LGR4: variants seen among roughly 807,000 people sequenced by gnomAD.
The protein encoded by LGR4 is leucine rich repeat containing G protein-coupled receptor 4, also known as leucine-rich repeat-containing G protein-coupled receptor 4.
A neutral mutation model predicts 84.8 loss-of-function variants in LGR4; 44 were observed. The ratio of observed to expected loss-of-function variants is 0.52; its 90% CI spans 0.41 to 0.67. The LOEUF (loss-of-function observed/expected upper bound fraction) is 0.67, where lower values mean the gene tolerates loss of function less well. LGR4 is among the 30% of genes least tolerant of loss of function. The pLI is 0.00. For synonymous variants in LGR4, 429 were observed against 434.3 expected (o/e 0.99, Z 0.15); for missense variants, 1,032 against 1,131.4 (o/e 0.91, Z 1.26).
At chr11:27,403,413 A>G (rs1376451754) in intron 2 of LGR4, among the ~76,000 whole-genome samples, 1 of 152,200 alleles carries the variant, frequency 6.6e-6, no homozygotes, top group Non-Finnish European at 1.5e-5. Flanking sequence ...ACTGCATTCT[A>G]GCCTGGACAA....
At position 27,412,834 on chromosome 11, in the gene LGR4, T is replaced by A. The variant is rs750137171; in HGVS notation, c.212A>T (p.Gln71Leu). 2 of 1,602,872 alleles carry A rather than the reference T, an allele frequency of 1.2e-6. No individual in the cohort carries two copies. The highest frequency in any genetic ancestry group is 2.2e-5 in the South Asian group (2 of 90,848). ...ALDISMNNIT[Q>L]LPEDAFKNFP... ...GTTCTTAAATGCATCTTCTGGCAAC[T>A]GAGTAATGTTGTTCATACTGATATC... Residue 71 changes from glutamine to leucine, a missense_variant, in exon 2 of 18, where the codon CAG (glutamine) becomes CTG (leucine). Physicochemically the swap from Gln to Leu is moderately radical, Grantham distance 113. Transcript: ENST00000379214.
intron 10 of LGR4, 148 bp downstream of exon 10, chr11:27,380,123 A>G: frequency 1.9e-6 from 1 of 515,782 alleles, no homozygotes; most frequent in East Asian, 3.0e-5. Flanking sequence ...CCCCATACCC[A>G]ATATATTCTT....
At chr11:27,376,768 T>C (rs115770420) in intron 12 of LGR4, among the ~76,000 whole-genome samples, 1,808 of 152,260 alleles carry the variant, frequency 0.012, 43 homozygotes, top group African/African-American at 0.041. Flanking sequence ...CAGGACTACA[T>C]AGAGTTAAAA....
chr11:27,407,947 G>A (rs1471333058), intron 2 of LGR4, among the ~76,000 whole-genome samples: 1 of 152,092 alleles, frequency 6.6e-6, no homozygotes, highest in Non-Finnish European at 1.5e-5. Context: ...TTGGGAAATT[G>A]GAGTGAAGGG....
intron 2 of LGR4, among the ~76,000 whole-genome samples, chr11:27,409,200 TCA>T (rs1477969383): frequency 7.9e-5 from 12 of 152,010 alleles, no homozygotes; most frequent in African/African-American, 2.7e-4. Flanking sequence ...TACATATCAC[TCA>T]CAGTGTTCCA....
chr11:27,434,573 T>C (rs958650613), intron 1 of LGR4, among the ~76,000 whole-genome samples: 3 of 152,174 alleles, frequency 2.0e-5, no homozygotes, highest in Non-Finnish European at 2.9e-5. Context: ...GTTAATGTCT[T>C]GAGCTGTTCA....
intron 2 of LGR4, among the ~76,000 whole-genome samples, chr11:27,408,227 C>T (rs1037832459): frequency 3.3e-5 from 5 of 152,006 alleles, no homozygotes; most frequent in South Asian, 2.1e-4. Flanking sequence ...TTACTAGCCC[C>T]GTTTGGTAAA....
intron 10 of LGR4, among the ~76,000 whole-genome samples, chr11:27,380,064 T>C (rs1371321334): frequency 1.3e-5 from 2 of 152,304 alleles, no homozygotes; most frequent in Non-Finnish European, 2.9e-5. Flanking sequence ...TCTGTGAACC[T>C]TTCAGATCTT....
At chr11:27,413,293 T>C (rs981314924) in intron 1 of LGR4, among the ~76,000 whole-genome samples, 4 of 152,234 alleles carry the variant, frequency 2.6e-5, no homozygotes, top group Admixed American at 2.6e-4. Context: ...GTCCTAGCTC[T>C]ACCCTAGTCA....
At position 27,371,617 on chromosome 11, in the gene LGR4, G is replaced by A; in HGVS notation, c.1577C>T (p.Thr526Ile). The A allele has an allele frequency of 6.2e-7, 1 of 1,607,780 alleles. No individual in the cohort carries two copies. The highest frequency in any genetic ancestry group is 8.5e-7 in the Non-Finnish European group (1 of 1,175,382). ...SQIIIHCTPSTGAFKPCEYLL... is the reference protein window; with the variant it reads ...SQIIIHCTPSIGAFKPCEYLL... ...GTGAAAAAATAGGCCAGGCATACCT[G>A]TTGAAGGTGTACAATGGATAATTAT... Residue 526 changes from threonine to isoleucine, a missense_variant and splice_region_variant, in exon 17 of 18, where the codon ACA becomes ATA. Physicochemically the swap from Thr to Ile is moderately conservative, Grantham distance 89. Coordinates refer to ENST00000379214, the MANE Select transcript of LGR4 (RefSeq NM_018490.5).
At chr11:27,382,163 A>G in intron 7 of LGR4, 25 bp downstream of exon 7, 1 of 1,479,594 alleles carries the variant, frequency 6.8e-7, no homozygotes, top group Non-Finnish European at 9.4e-7. Context: ...ATATGAAGAC[A>G]TAAAGAGAAT....
chr11:27,454,047 C>T (rs2133447487), intron 1 of LGR4, among the ~76,000 whole-genome samples: 1 of 152,348 alleles, frequency 6.6e-6, no homozygotes, highest in African/African-American at 2.4e-5. Context: ...GAGGCTTCAT[C>T]TGCATGATAA....
At chr11:27,427,934 A>G (rs1302967539) in intron 1 of LGR4, among the ~76,000 whole-genome samples, 1 of 152,154 alleles carries the variant, frequency 6.6e-6, no homozygotes, top group Non-Finnish European at 1.5e-5. Flanking sequence ...CTCTTTCCCT[A>G]TCAGCTAAAG....
intron 1 of LGR4, among the ~76,000 whole-genome samples, chr11:27,465,395 C>T (rs72889565): frequency 0.06 from 9,082 of 152,208 alleles, 354 homozygotes; most frequent in Non-Finnish European, 0.091. Flanking sequence ...AATTAAAATA[C>T]GTAATGGTAT....
intron 1 of LGR4, among the ~76,000 whole-genome samples, chr11:27,459,763 C>T (rs1193335729): frequency 1.3e-5 from 2 of 151,936 alleles, no homozygotes; most frequent in Admixed American, 6.6e-5. Context: ...GCATGAGCCA[C>T]AGCACCTGGC....
At chr11:27,373,321 TA>T (rs1862919145) in intron 15 of LGR4, 2 of 361,548 alleles carry the variant, frequency 5.5e-6, no homozygotes, top group Non-Finnish European at 9.9e-6. Context: ...TTCTGGTGAA[TA>T]GCTGTATTAT....
chr11:27,380,712 CTG>C lies in LGR4; in HGVS notation c.831-3_831-2del, dbSNP rs1299604422. The C allele has an allele frequency of 6.3e-7, 1 of 1,594,096 alleles. No individual in the cohort carries two copies. Among genetic ancestry groups the C allele is most frequent in the Non-Finnish European group, 8.6e-7 (1 of 1,164,752 alleles). On this transcript the variant is annotated splice_acceptor_variant and splice_polypyrimidine_tract_variant and intron_variant, in intron 8 of 17. Coordinates refer to ENST00000379214, the MANE Select transcript of LGR4 (RefSeq NM_018490.5). LOFTEE classifies it high-confidence loss of function. ...AGACAGAGGATTATCATACAAATGTCTGTGAAAATATCCAAAAAAAGTAAAAT... is the reference window on the plus strand; with the variant it reads ...AGACAGAGGATTATCATACAAATGTCTGAAAATATCCAAAAAAAGTAAAAT...
Position 27,368,708 on chromosome 11 carries a change from C to A in LGR4, c.2015G>T (p.Gly672Val). 6.2e-7 allele frequency: 1 copy of A among 1,613,526 alleles called. No individual in the cohort carries two copies. Among genetic ancestry groups the A allele is most frequent in the Non-Finnish European group, 8.5e-7 (1 of 1,179,776 alleles). Reference protein sequence around the residue: ...FRVAALLAFLGATVAGCFPLF... With the variant: ...FRVAALLAFLVATVAGCFPLF... ...GGGAAAACAGCCTGCTACTGTAGCACCTAGGAAAGCCAAAAGGGCAGCAAC... is the reference window on the plus strand; with the variant it reads ...GGGAAAACAGCCTGCTACTGTAGCAACTAGGAAAGCCAAAAGGGCAGCAAC... Residue 672 changes from glycine to valine, a missense_variant, in exon 18 of 18, where the codon GGT (glycine) becomes GTT (valine). Physicochemically the swap from Gly to Val is moderately radical, Grantham distance 109. Coordinates refer to ENST00000379214, the MANE Select transcript of LGR4 (RefSeq NM_018490.5).
At chr11:27,450,659 A>G (rs1334061918) in intron 1 of LGR4, among the ~76,000 whole-genome samples, 1 of 152,070 alleles carries the variant, frequency 6.6e-6, no homozygotes, top group Admixed American at 6.6e-5. Context: ...GTGGTGGCAC[A>G]CACCTGTAAT....
Sources: allele counts gnomAD v4.1 joint callset (sites outside exome capture counted in the v4.1 genomes callset), GRCh38; gene constraint gnomAD v4.1.1; transcripts MANE v1.5; gene names NCBI Gene and HGNC (gene_info 2026-07-23, HGNC 2026-07-21).